The following BRINP1 variants were observed in gnomAD, a reference collection of about 807,000 sequenced individuals.
BRINP1 encodes the protein BMP/retinoic acid-inducible neural-specific protein 1.
A neutral mutation model predicts 72.9 loss-of-function variants in BRINP1; 17 were observed. That is an observed-to-expected ratio of 0.23 (90% CI 0.16 to 0.35). The LOEUF (loss-of-function observed/expected upper bound fraction) is 0.35, where lower values mean the gene tolerates loss of function less well. Among genes scored for constraint, BRINP1 ranks in the 10% least tolerant of loss-of-function variants. The pLI, the probability that BRINP1 is intolerant of heterozygous loss-of-function variation, is 1.00. For missense variants in BRINP1, 850 were observed against 1,001.6 expected (o/e 0.85, Z 2.04); for synonymous variants, 418 against 378.5 (o/e 1.10, Z -1.21).
At chr9:119,222,116 G>A (rs1404480516) in intron 5 of BRINP1, among the ~76,000 whole-genome samples, 1 of 152,068 alleles carries the variant, frequency 6.6e-6, no homozygotes, top group African/African-American at 2.4e-5. Flanking sequence ...AACAACATAT[G>A]AGCTCATCAA....
chr9:119,256,978 A>C (rs1830453161), intron 2 of BRINP1, among the ~76,000 whole-genome samples: 1 of 152,248 alleles, frequency 6.6e-6, no homozygotes, highest in Non-Finnish European at 1.5e-5. Context: ...CACATAAAAT[A>C]GGAAAAATAA....
chr9:119,262,152 A>G (rs1830502709), intron 2 of BRINP1, among the ~76,000 whole-genome samples: 3 of 152,174 alleles, frequency 2.0e-5, no homozygotes, highest in Admixed American at 6.5e-5. Context: ...GGGTTTAACT[A>G]TCTCTATGAC....
intron 1 of BRINP1, among the ~76,000 whole-genome samples, chr9:119,367,463 A>C (rs1260229294): frequency 1.3e-5 from 2 of 151,920 alleles, no homozygotes; most frequent in African/African-American, 2.4e-5. Flanking sequence ...TGCTAACAGC[A>C]GTAAAACTCA....
At chr9:119,182,789 A>G (rs531049820) in intron 7 of BRINP1, among the ~76,000 whole-genome samples, 17 of 152,214 alleles carry the variant, frequency 1.1e-4, no homozygotes, top group Non-Finnish European at 1.9e-4. Context: ...ACAGACTAAG[A>G]TAATACGTAA....
intron 7 of BRINP1, among the ~76,000 whole-genome samples, chr9:119,173,111 A>AGTG (rs1306850259): frequency 6.8e-6 from 1 of 146,292 alleles, no homozygotes; most frequent in Admixed American, 6.9e-5. Flanking sequence ...TATTCAACAT[A>AGTG]GTGTTGGAAG....
At chr9:119,343,149 G>T (rs1388420274) in intron 1 of BRINP1, among the ~76,000 whole-genome samples, 1 of 152,148 alleles carries the variant, frequency 6.6e-6, no homozygotes, top group Non-Finnish European at 1.5e-5. Flanking sequence ...TCAGCAGAAT[G>T]GTACTTTGGC....
chr9:119,358,387 TAAAAA>T (rs5900396), intron 1 of BRINP1, among the ~76,000 whole-genome samples: 5 of 134,112 alleles, frequency 3.7e-5, no homozygotes, highest in Non-Finnish European at 4.7e-5. Flanking sequence ...TTATATGTAT[TAAAAA>T]AAAAAAAAAA....
intron 7 of BRINP1, among the ~76,000 whole-genome samples, chr9:119,205,800 A>G (rs1433696211): frequency 1.3e-5 from 2 of 152,124 alleles, no homozygotes; most frequent in Non-Finnish European, 1.5e-5. Flanking sequence ...CCATTTTCTG[A>G]GATGACAATC....
rs112348256 is a variant in BRINP1, at chr9:119,167,474, C to T, written c.1896G>A (p.Glu632=). The part of the protein sequence containing the change: ...RTRLPTLLRN[E]TGQGPVDLSD... The stretch of plus-strand genomic sequence containing the variant: ...ACAGGTCCACGGGGCCCTGGCCAGT[C>T]TCATTTCGCAGTAGGGTAGGTAGCC... Residue 632 remains glutamate, a synonymous_variant, in exon 8 of 8, where the codon GAG becomes GAA. Transcript: ENST00000265922. The surrounding 1 kb of genome is among the most constrained non-coding windows in gnomAD (Gnocchi z 4.3). The T allele has an allele frequency of 2.5e-4, 402 of 1,614,124 alleles. 1 individual carries two copies. The African/African-American group carries it at 3.2e-3, about 13-fold the overall frequency.
chr9:119,232,583 T>G (rs146289929), intron 5 of BRINP1, among the ~76,000 whole-genome samples: 3 of 152,146 alleles, frequency 2.0e-5, no homozygotes, highest in African/African-American at 4.8e-5. Context: ...ACACATCAAT[T>G]ATAAGCTCAA....
intron 2 of BRINP1, among the ~76,000 whole-genome samples, chr9:119,299,875 A>G (rs891694135): frequency 6.6e-6 from 1 of 152,142 alleles, no homozygotes; most frequent in Admixed American, 6.5e-5. Context: ...AGATATCCCA[A>G]CTGCATTACA....
chr9:119,348,958 A>G (rs1224779582), intron 1 of BRINP1, among the ~76,000 whole-genome samples: 2 of 152,200 alleles, frequency 1.3e-5, no homozygotes, highest in African/African-American at 2.4e-5. Flanking sequence ...TTGTGCTTCA[A>G]TTAAACCATT....
At chr9:119,311,767 C>T (rs1387672325) in intron 2 of BRINP1, among the ~76,000 whole-genome samples, 1 of 152,108 alleles carries the variant, frequency 6.6e-6, no homozygotes. Context: ...CAGATGTTTA[C>T]AAATGATTGT....
intron 7 of BRINP1, among the ~76,000 whole-genome samples, chr9:119,170,506 T>C (rs1317770760): frequency 2.6e-5 from 4 of 152,088 alleles, no homozygotes; most frequent in Non-Finnish European, 4.4e-5. Context: ...TACATCTGAT[T>C]GGTGTACCTG....
At chr9:119,229,825 T>C (rs533381534) in intron 5 of BRINP1, among the ~76,000 whole-genome samples, 33 of 152,222 alleles carry the variant, frequency 2.2e-4, no homozygotes, top group Non-Finnish European at 2.6e-4. Context: ...GAGTTCACTA[T>C]GGGCTGAGTG....
intron 1 of BRINP1, among the ~76,000 whole-genome samples, chr9:119,337,571 A>T (rs1267639900): frequency 6.6e-6 from 1 of 152,264 alleles, no homozygotes; most frequent in Non-Finnish European, 1.5e-5. Context: ...AAGTCCAAAC[A>T]TCTTAATTAA....
chr9:119,167,758 T>G lies in BRINP1; in HGVS notation c.1612A>C (p.Ile538Leu), dbSNP rs771775120. Residue 538 changes from isoleucine to leucine, a missense_variant, in exon 8 of 8, where the codon ATC (isoleucine) becomes CTC (leucine). Transcript: ENST00000265922. The surrounding 1 kb of genome is among the most constrained non-coding windows in gnomAD (Gnocchi z 4.3). ...ATGGACATGCCGATCACCATGTGGA[T>G]GAAGTCCATGCGGTTCTTGTTGCTC... is the stretch of plus-strand genomic sequence containing the variant. ...LKSNKNRMDF[I>L]HMVIGMSMRI... The G allele has an allele frequency of 6.2e-6, 10 of 1,614,090 alleles. No individual in the cohort carries two copies. In the East Asian group the frequency reaches 2.2e-4, roughly 36 times the overall value.
intron 1 of BRINP1, among the ~76,000 whole-genome samples, chr9:119,317,351 T>C (rs1034233849): frequency 2.0e-5 from 3 of 152,148 alleles, no homozygotes; most frequent in East Asian, 3.9e-4. Context: ...TAAATCACTG[T>C]AGATGTGACA....
chr9:119,233,267 A>C (rs1053875309), intron 5 of BRINP1, among the ~76,000 whole-genome samples: 1 of 152,106 alleles, frequency 6.6e-6, no homozygotes, highest in African/African-American at 2.4e-5. Context: ...GCCACTTATT[A>C]AATAACCTCT....
Sources: allele counts gnomAD v4.1 joint callset (sites outside exome capture counted in the v4.1 genomes callset), GRCh38; gene constraint gnomAD v4.1.1; non-coding constraint Gnocchi (gnomAD v3.1); transcripts MANE v1.5; gene names NCBI Gene and HGNC (gene_info 2026-07-23, HGNC 2026-07-21).